The following LRRC7 variants were observed in gnomAD, a reference collection of about 807,000 sequenced individuals.
LRRC7 encodes the protein leucine rich repeat containing 7, also known as leucine-rich repeat-containing protein 7.
A neutral mutation model predicts 175.7 loss-of-function variants in LRRC7; 23 were observed. That is an observed-to-expected ratio of 0.13 (90% CI 0.09 to 0.19). The LOEUF (loss-of-function observed/expected upper bound fraction) is 0.19. LRRC7 is among the 10% of genes least tolerant of loss of function. LRRC7 has a pLI of 1.00. For missense variants in LRRC7, 1,354 were observed against 1,904.7 expected, an observed-to-expected ratio of 0.71 and a Z score of 5.38; for synonymous variants, 685 against 680.9, an observed-to-expected ratio of 1.01 and a Z score of -0.09.
chr1:69,882,235 G>C (rs1275712702), intron 7 of LRRC7, among the ~76,000 whole-genome samples: 3 of 152,088 alleles, frequency 2.0e-5, no homozygotes, highest in Non-Finnish European at 4.4e-5. Flanking sequence ...ACTAGATATT[G>C]GAAAGAGAGT....
At chr1:69,686,030 A>G (rs1443507643) in intron 2 of LRRC7, among the ~76,000 whole-genome samples, 1 of 152,192 alleles carries the variant, frequency 6.6e-6, no homozygotes. Flanking sequence ...CACATTACAT[A>G]TAAAGAAGCA....
At chr1:69,633,039 T>A (rs187604131) in intron 1 of LRRC7, among the ~76,000 whole-genome samples, 244 of 152,178 alleles carry the variant, frequency 1.6e-3, no homozygotes, top group African/African-American at 5.7e-3. Flanking sequence ...GAAAACTTGT[T>A]AAGTCTTTCT....
At chr1:69,882,121 GAGA>G (rs906274414) in intron 7 of LRRC7, among the ~76,000 whole-genome samples, 13 of 151,564 alleles carry the variant, frequency 8.6e-5, no homozygotes, top group Admixed American at 5.3e-4. Flanking sequence ...ACAAGTATAT[GAGA>G]AGATGTTCAA....
chr1:70,092,156 G>A (rs1664076563), intron 25 of LRRC7, among the ~76,000 whole-genome samples: 1 of 152,056 alleles, frequency 6.6e-6, no homozygotes. Context: ...AAAATTTAGA[G>A]TAGAACCCAG....
At chr1:69,752,080 A>T (rs1020668618) in intron 2 of LRRC7, among the ~76,000 whole-genome samples, 3 of 152,134 alleles carry the variant, frequency 2.0e-5, no homozygotes, top group Admixed American at 6.6e-5. Flanking sequence ...TGATCATTTC[A>T]AGAGTCAAAA....
chr1:69,824,833 T>C (rs1679715863), intron 4 of LRRC7, among the ~76,000 whole-genome samples: 1 of 152,284 alleles, frequency 6.6e-6, no homozygotes, highest in South Asian at 2.1e-4. Context: ...GCATCCTTGA[T>C]AATAGTTTCA....
intron 7 of LRRC7, among the ~76,000 whole-genome samples, chr1:69,893,078 G>A (rs1645883069): frequency 6.6e-6 from 1 of 152,046 alleles, no homozygotes; most frequent in African/African-American, 2.4e-5. Flanking sequence ...ACACATCCAG[G>A]TACATTTTGG....
At chr1:69,691,654 C>T (rs753293433) in intron 2 of LRRC7, among the ~76,000 whole-genome samples, 1 of 151,628 alleles carries the variant, frequency 6.6e-6, no homozygotes, top group African/African-American at 2.4e-5. Context: ...AAAAATTAGC[C>T]AGGAGTAGTG....
intron 2 of LRRC7, among the ~76,000 whole-genome samples, chr1:69,723,959 A>G (rs982423099): frequency 6.6e-6 from 1 of 152,112 alleles, no homozygotes; most frequent in African/African-American, 2.4e-5. Context: ...TCAACATATA[A>G]ATTTTGGAGA....
At chr1:69,719,761 A>G (rs1051391653) in intron 2 of LRRC7, among the ~76,000 whole-genome samples, 1 of 151,720 alleles carries the variant, frequency 6.6e-6, no homozygotes, top group Non-Finnish European at 1.5e-5. Context: ...ACAATACAAA[A>G]AAGTATGATG....
chr1:70,014,617 A>G (rs368719026), intron 13 of LRRC7, among the ~76,000 whole-genome samples: 1 of 152,064 alleles, frequency 6.6e-6, no homozygotes, highest in Admixed American at 6.6e-5. Flanking sequence ...AGTTAGGCCA[A>G]AGTTAAATAT....
intron 7 of LRRC7, among the ~76,000 whole-genome samples, chr1:69,925,952 C>T (rs988209493): frequency 1.2e-4 from 18 of 149,748 alleles, no homozygotes; most frequent in Non-Finnish European, 3.0e-5. Context: ...CTATAAATTT[C>T]CCTCTACACA....
At chr1:69,688,367 A>G (rs886710365) in intron 2 of LRRC7, among the ~76,000 whole-genome samples, 1 of 152,148 alleles carries the variant, frequency 6.6e-6, no homozygotes, top group African/African-American at 2.4e-5. Context: ...CCAGTGACCC[A>G]ACTGTGATGT....
intron 2 of LRRC7, among the ~76,000 whole-genome samples, chr1:69,717,427 C>T (rs1665497254): frequency 6.6e-6 from 1 of 151,598 alleles, no homozygotes; most frequent in South Asian, 2.1e-4. Flanking sequence ...TATATTTATA[C>T]AATTGGAACC....
In LRRC7 at chr1:69,792,090, C is replaced by T. The variant is rs373062883; in HGVS notation, c.351C>T (p.Asn117=). The T allele has an allele frequency of 1.1e-5, 17 of 1,610,934 alleles. No homozygotes were observed. Among genetic ancestry groups the T allele is most frequent in the Admixed American group, 3.3e-5 (2 of 59,892 alleles). The change falls in exon 4 of 27, where the codon AAC becomes AAT. Residue 117 remains asparagine, a synonymous_variant. Transcript: ENST00000651989. ...QALRKLSIPD[N]DLSNLPTTIA... is the part of the protein sequence containing the mutation. Reference sequence around the variant, plus strand: ...TACGAAAACTAAGTATTCCTGATAACGACCTTTCAAATCTGCCAACCACTA... The same window carrying T: ...TACGAAAACTAAGTATTCCTGATAATGACCTTTCAAATCTGCCAACCACTA...
rs187608327 is a variant in LRRC7 at position 69,924,410 on chromosome 1, C to T, written c.648-7097C>T. Among the ~76,000 whole-genome samples the T allele has an allele frequency of 9.4e-4, 143 of 152,250 alleles. 2 individuals carry two copies. Among genetic ancestry groups the T allele is most frequent in the Admixed American group, 8.8e-3 (135 of 15,298 alleles). On this transcript the variant is annotated intron_variant, in intron 7 of 26. Transcript: ENST00000651989. ...ACCTTGGGCAGTATGGGCATTTTTACGATATTGATTCTTCCTACCCATGAG... is the reference window on the plus strand; with the variant it reads ...ACCTTGGGCAGTATGGGCATTTTTATGATATTGATTCTTCCTACCCATGAG...
intron 1 of LRRC7, among the ~76,000 whole-genome samples, chr1:69,580,855 G>C (rs1646171120): frequency 6.6e-6 from 1 of 152,154 alleles, no homozygotes; most frequent in South Asian, 2.1e-4. Flanking sequence ...AAAAGACCAA[G>C]GTACTTAGAG....
At chr1:69,832,170 A>T (rs74087763) in intron 5 of LRRC7, among the ~76,000 whole-genome samples, 2,359 of 152,232 alleles carry the variant, frequency 0.015, 51 homozygotes, top group African/African-American at 0.053. Flanking sequence ...TGGCCATTGG[A>T]CTTTAACTTT....
chr1:70,104,123 A>C (rs1664986814), intron 25 of LRRC7, among the ~76,000 whole-genome samples: 1 of 152,176 alleles, frequency 6.6e-6, no homozygotes, highest in South Asian at 2.1e-4. Flanking sequence ...GGAAGTTAGG[A>C]GATAGCTTTT....
Sources: allele counts gnomAD v4.1 joint callset (sites outside exome capture counted in the v4.1 genomes callset), GRCh38; gene constraint gnomAD v4.1.1; transcripts MANE v1.5; gene names NCBI Gene and HGNC (gene_info 2026-07-23, HGNC 2026-07-21).